The following AKAP12 variants were observed in gnomAD, a reference collection of about 807,000 sequenced individuals.
The protein encoded by AKAP12 is A-kinase anchor protein 12.
In AKAP12, 32 loss-of-function variants were observed where a neutral mutation model predicts 79.9. The observed-to-expected ratio is 0.40, with a 90% CI of 0.30 to 0.54. AKAP12 has a LOEUF of 0.54. Ranked by LOEUF, AKAP12 falls within the 20% of genes least tolerant of loss-of-function variation. The pLI is 0.48. For synonymous variants in AKAP12, 808 were observed against 857.0 expected (o/e 0.94, Z 1.00); for missense variants, 2,074 against 2,177.0 (o/e 0.95, Z 0.94).
intron 2 of AKAP12, among the ~76,000 whole-genome samples, chr6:151,284,907 G>C (rs1229424770): frequency 6.6e-6 from 1 of 152,174 alleles, no homozygotes; most frequent in East Asian, 1.9e-4. Context: ...AACGCATGGG[G>C]ACCCAGGGTG....
At chr6:151,323,886 G>GC in intron 3 of AKAP12, 4 of 985,380 alleles carry the variant, frequency 4.1e-6, no homozygotes, top group Non-Finnish European at 3.6e-6. Context: ...GAGAAATGAT[G>GC]CAGAACCAAG....
At chr6:151,284,091 C>G (rs867150116) in intron 2 of AKAP12, among the ~76,000 whole-genome samples, 2 of 152,178 alleles carry the variant, frequency 1.3e-5, no homozygotes, top group South Asian at 4.1e-4. Flanking sequence ...AAGGTGAACG[C>G]ACGAGTAACC....
chr6:151,325,619 G>C (rs1777502555), intron 3 of AKAP12: 1 of 1,370,804 alleles, frequency 7.3e-7, no homozygotes, highest in Admixed American at 3.2e-5. Context: ...GGGTGGCTGG[G>C]TGGGGGCGTG....
At chr6:151,298,565 G>C (rs1412188054) in intron 2 of AKAP12, among the ~76,000 whole-genome samples, 1 of 152,020 alleles carries the variant, frequency 6.6e-6, no homozygotes, top group Non-Finnish European at 1.5e-5. Context: ...AAGCCAATGC[G>C]GGTGGATCAC....
intron 3 of AKAP12, chr6:151,324,346 A>G (rs527818202): frequency 5.9e-4 from 585 of 985,242 alleles, no homozygotes; most frequent in Non-Finnish European, 6.8e-4. Flanking sequence ...TTTTTGTAAC[A>G]AGGTCTGGTT....
At chr6:151,313,377 T>C (rs916989198) in intron 3 of AKAP12, among the ~76,000 whole-genome samples, 1 of 152,242 alleles carries the variant, frequency 6.6e-6, no homozygotes, top group Non-Finnish European at 1.5e-5. Context: ...TGTTTTGTAA[T>C]GTTTTGAAGA....
intron 2 of AKAP12, among the ~76,000 whole-genome samples, chr6:151,246,471 T>C (rs1225698437): frequency 6.6e-6 from 1 of 152,164 alleles, no homozygotes; most frequent in Non-Finnish European, 1.5e-5. Context: ...AAATTGACTT[T>C]CCAAAGAGGT....
chr6:151,355,066 GCTCA>G (rs1459697837), intron 4 of AKAP12, among the ~76,000 whole-genome samples: 1 of 152,064 alleles, frequency 6.6e-6, no homozygotes, highest in Non-Finnish European at 1.5e-5. Context: ...CGCAATCTCA[GCTCA>G]CTGCAACCTC....
rs150268300 is a variant in AKAP12 at position 151,275,061 on chromosome 6, G to A, written c.163-30686G>A. ...CGAGGCTGCAGTGAGCCGTGATCGC[G>A]CCACTGCACTTCAGCCTGGGTGACA... On this transcript the variant is annotated intron_variant, in intron 2 of 4. Coordinates refer to ENST00000402676, the MANE Select transcript of AKAP12 (RefSeq NM_005100.4). Among the ~76,000 whole-genome samples the A allele has an allele frequency of 5.8e-4, 88 of 152,142 alleles. No homozygotes were observed. In the East Asian group the frequency reaches 0.016, roughly 28 times the overall value.
At chr6:151,354,344 G>T (rs1255198984) in intron 4 of AKAP12, among the ~76,000 whole-genome samples, 1 of 148,356 alleles carries the variant, frequency 6.7e-6, no homozygotes. Context: ...GCAGTTGCTA[G>T]TAACTCCCCA....
intron 3 of AKAP12, among the ~76,000 whole-genome samples, chr6:151,345,974 C>T (rs1201132994): frequency 8.4e-6 from 1 of 118,442 alleles, no homozygotes; most frequent in South Asian, 2.6e-4. Context: ...AAAGGAGAGA[C>T]AGTTGTTTTT....
In AKAP12 at chr6:151,240,643, C is replaced by T. The variant is rs748446955; in HGVS notation, c.81C>T (p.Pro27=). The T allele has an allele frequency of 8.9e-5, 120 of 1,342,752 alleles. No homozygotes were observed. Among genetic ancestry groups the T allele is most frequent in the Non-Finnish European group, 1.1e-4 (114 of 1,051,082 alleles). 83.2% of individuals were successfully genotyped at this position (1,342,752 alleles called of 1,614,324 possible). Residue 27 remains proline (P), a synonymous_variant, in exon 2 of 5, where the codon CCC becomes CCT. Coordinates refer to ENST00000402676, the MANE Select transcript of AKAP12 (RefSeq NM_005100.4). ...GCTCCACGCCGGCTGAGCCCGAGCCCAGCGGCGGCGGCCCCTCGGCCGAGG... is the reference window on the plus strand; with the variant it reads ...GCTCCACGCCGGCTGAGCCCGAGCCTAGCGGCGGCGGCCCCTCGGCCGAGG... The part of the protein sequence containing the change: ...EGSSTPAEPE[P]SGGGPSAEAA...
chr6:151,327,825 C>T (rs1381062075), intron 3 of AKAP12, among the ~76,000 whole-genome samples: 1 of 152,134 alleles, frequency 6.6e-6, no homozygotes, highest in African/African-American at 2.4e-5. Flanking sequence ...AAATTTTGCA[C>T]TTTTTCCTGG....
chr6:151,323,902 A>G (rs1311570755), intron 3 of AKAP12: 3 of 985,324 alleles, frequency 3.0e-6, no homozygotes, highest in Non-Finnish European at 3.6e-6. Context: ...CCAAGCCCTC[A>G]GATCCCAGAT....
At chr6:151,325,729 G>T (rs1234448120) in intron 3 of AKAP12, 16 of 1,535,932 alleles carry the variant, frequency 1.0e-5, no homozygotes, top group East Asian at 4.8e-5. Flanking sequence ...CATCCTCCGG[G>T]AGTGTCTGGG....
At chr6:151,302,006 CTCTTTTTTTTT>C (rs1296163557) in intron 2 of AKAP12, among the ~76,000 whole-genome samples, 1 of 149,938 alleles carries the variant, frequency 6.7e-6, no homozygotes, top group African/African-American at 2.5e-5. Context: ...TGTGTAACAT[CTCTTTTTTTTT>C]TCTTTTTTTT....
At chr6:151,324,856 G>A (rs745390577) in intron 3 of AKAP12, 20 of 985,308 alleles carry the variant, frequency 2.0e-5, no homozygotes, top group Non-Finnish European at 2.4e-5. Context: ...AGAAAGAATT[G>A]AAGTATTCTA....
At chr6:151,329,295 T>A (rs1777611171) in intron 3 of AKAP12, among the ~76,000 whole-genome samples, 1 of 152,152 alleles carries the variant, frequency 6.6e-6, no homozygotes, top group Non-Finnish European at 1.5e-5. Context: ...TTTGTATTTT[T>A]AGTAGAGACG....
intron 3 of AKAP12, 47 bp downstream of exon 3, chr6:151,305,950 A>G (rs759683822): frequency 6.5e-7 from 1 of 1,548,918 alleles, no homozygotes; most frequent in Admixed American, 2.0e-5. Context: ...ACTTGCAACA[A>G]ACTTTGGACT....
Sources: gnomAD v4.1 joint callset for allele counts (sites outside exome capture counted in the v4.1 genomes callset) on GRCh38, gnomAD v4.1.1 for gene constraint, MANE v1.5 for transcripts, NCBI Gene and HGNC (gene_info 2026-07-23, HGNC 2026-07-21) for gene names.